Variants in TENM2 observed in about 807,000 individuals in gnomAD.
TENM2 encodes teneurin transmembrane protein 2.
TENM2 carries 52 observed loss-of-function variants against 245.2 expected under a neutral mutation model. That is an observed-to-expected ratio of 0.21 (90% CI 0.17 to 0.27). TENM2 has a LOEUF of 0.27. Ranked by LOEUF, TENM2 falls within the 10% of genes least tolerant of loss-of-function variation. TENM2 has a pLI of 1.00. For synonymous variants in TENM2, 1,363 were observed against 1,438.9 expected (o/e 0.95, Z 1.19); for missense variants, 3,046 against 3,666.8 (o/e 0.83, Z 4.37).
exon 2 of TENM2, chr5:167,375,355 C>T: frequency 3.2e-6 from 5 of 1,551,662 alleles, no homozygotes; most frequent in Non-Finnish European, 3.5e-6. Context: ...CAGAACACGC[C>T]ATCAGACTGT....
chr5:167,354,503 CCCTCCCCCATCTT>C (rs1455643097), intron 1 of TENM2, among the ~76,000 whole-genome samples: 1 of 152,148 alleles, frequency 6.6e-6, no homozygotes, highest in Non-Finnish European at 1.5e-5. Flanking sequence ...CTCCCCTAAA[CCCTCCCCCATCTT>C]CCAGTATTCT....
At chr5:167,885,929 C>T (rs1443935930) in intron 3 of TENM2, among the ~76,000 whole-genome samples, 4 of 152,132 alleles carry the variant, frequency 2.6e-5, no homozygotes, top group South Asian at 2.1e-4. Context: ...GTGATCCACT[C>T]GCCTCGGCCT....
At chr5:167,678,080 C>T (rs145016713) in intron 2 of TENM2, among the ~76,000 whole-genome samples, 1 of 151,944 alleles carries the variant, frequency 6.6e-6, no homozygotes, top group Non-Finnish European at 1.5e-5. Context: ...ATGACTGTTT[C>T]TGTTATGCAC....
the TENM2 span, among the ~76,000 whole-genome samples, chr5:167,153,377 A>G: frequency 6.6e-6 from 1 of 152,256 alleles, no homozygotes. Context: ...AAGAGAAAAT[A>G]TATTTAGTGT....
At chr5:167,963,895 T>C (rs1441137801) in intron 4 of TENM2, among the ~76,000 whole-genome samples, 2 of 152,214 alleles carry the variant, frequency 1.3e-5, no homozygotes, top group Admixed American at 6.5e-5. Flanking sequence ...TAAGGGAAGT[T>C]CTGCATCAAT....
chr5:167,981,954 A>G (rs1168648140), intron 4 of TENM2, among the ~76,000 whole-genome samples: 1 of 151,296 alleles, frequency 6.6e-6, no homozygotes, highest in Non-Finnish European at 1.5e-5. Flanking sequence ...AGCCTGGGCA[A>G]CAAGAGTGAA....
chr5:167,864,646 T>A (rs1486609144), intron 2 of TENM2, among the ~76,000 whole-genome samples: 1 of 152,188 alleles, frequency 6.6e-6, no homozygotes, highest in Non-Finnish European at 1.5e-5. Flanking sequence ...TAAAACCTAA[T>A]TAAATTCTCT....
chr5:168,224,637 C>T (rs946671358), intron 23 of TENM2, among the ~76,000 whole-genome samples: 14 of 152,120 alleles, frequency 9.2e-5, no homozygotes, highest in Admixed American at 2.0e-4. Flanking sequence ...TCTCTGAGGA[C>T]CCCCCATCCC....
intron 2 of TENM2, among the ~76,000 whole-genome samples, chr5:167,848,935 C>G (rs1770307292): frequency 6.6e-6 from 1 of 152,000 alleles, no homozygotes. Flanking sequence ...GTTTTTTTGG[C>G]CACATTGTAT....
At chr5:168,027,586 AG>A (rs2066892282) in intron 5 of TENM2, among the ~76,000 whole-genome samples, 1 of 152,130 alleles carries the variant, frequency 6.6e-6, no homozygotes, top group African/African-American at 2.4e-5. Flanking sequence ...GTGAGTGCTC[AG>A]GGTTCTTTTA....
intron 1 of TENM2, chr5:167,306,738 C>T (rs1755700232): frequency 6.6e-6 from 1 of 152,224 alleles, no homozygotes; most frequent in Non-Finnish European, 1.5e-5. Flanking sequence ...CTGGAACTTT[C>T]TGTCACCATC....
chr5:167,910,701 G>A (rs1224384261), intron 3 of TENM2, among the ~76,000 whole-genome samples: 1 of 152,146 alleles, frequency 6.6e-6, no homozygotes, highest in Non-Finnish European at 1.5e-5. Context: ...CCATGGAGCA[G>A]ATGTTTCTGA....
the TENM2 span, among the ~76,000 whole-genome samples, chr5:167,077,427 T>A: frequency 6.6e-6 from 1 of 152,168 alleles, no homozygotes; most frequent in Non-Finnish European, 1.5e-5. Flanking sequence ...TTACATATCT[T>A]GCTCAAGTTT....
chr5:167,515,826 C>T lies in TENM2; in HGVS notation c.502+140353C>T, dbSNP rs115985820. Among the ~76,000 whole-genome samples, 712 of 151,448 alleles carry T rather than the reference C, an allele frequency of 4.7e-3. 6 individuals are homozygous for T. The highest frequency in any genetic ancestry group is 0.016 in the African/African-American group (661 of 41,264). On this transcript the variant is annotated intron_variant, in intron 2 of 28. Coordinates refer to ENST00000518659, the Ensembl canonical transcript of TENM2. ...GACTACAGGCACCTGCCACCACGCT[C>T]ATAGGGCAATATTTAGTTTAATCTA...
chr5:166,979,206 G>C, the TENM2 span, among the ~76,000 whole-genome samples: 1 of 144,872 alleles, frequency 6.9e-6, no homozygotes, highest in Non-Finnish European at 1.5e-5. Flanking sequence ...AGCAGCAGCA[G>C]CAGCAGCAGC....
At chr5:167,346,143 G>T (rs537190301) in intron 1 of TENM2, among the ~76,000 whole-genome samples, 1 of 152,250 alleles carries the variant, frequency 6.6e-6, no homozygotes, top group African/African-American at 2.4e-5. Context: ...TTATCTATTT[G>T]TTTAAAGAGG....
chr5:167,353,564 G>T (rs545896951), intron 1 of TENM2, among the ~76,000 whole-genome samples: 2 of 122,520 alleles, frequency 1.6e-5, no homozygotes, highest in Non-Finnish European at 3.2e-5. Context: ...CTGGAGTGCA[G>T]TGGCGGGATC....
intron 2 of TENM2, among the ~76,000 whole-genome samples, chr5:167,832,551 G>T (rs1768596739): frequency 6.6e-6 from 1 of 152,202 alleles, no homozygotes; most frequent in Non-Finnish European, 1.5e-5. Context: ...AATTCATTAT[G>T]TCTGTGCATG....
At chr5:168,141,506 G>C (rs534609708) in intron 12 of TENM2, among the ~76,000 whole-genome samples, 1 of 152,276 alleles carries the variant, frequency 6.6e-6, no homozygotes, top group African/African-American at 2.4e-5. Flanking sequence ...TGCTTCTTTA[G>C]AGCCAGAGGA....
Sources: gnomAD v4.1 joint callset for allele counts (sites outside exome capture counted in the v4.1 genomes callset) on GRCh38, gnomAD v4.1.1 for gene constraint, MANE v1.5 for transcripts, NCBI Gene and HGNC (gene_info 2026-07-23, HGNC 2026-07-21) for gene names.